SNX8: variants seen among roughly 807,000 people sequenced by gnomAD.
The protein encoded by SNX8 is sorting nexin 8.
Under a neutral mutation model 51.6 loss-of-function variants are expected in SNX8, and 25 were observed. That is an observed-to-expected ratio of 0.48 (90% CI 0.35 to 0.68). The LOEUF is 0.68. SNX8 is among the 30% of genes least tolerant of loss of function. SNX8 has a pLI of 0.00. For missense variants in SNX8, 695 were observed against 624.0 expected, an observed-to-expected ratio of 1.11 and a Z score of -1.21; for synonymous variants, 324 against 277.0, an observed-to-expected ratio of 1.17 and a Z score of -1.68.
intron 1 of SNX8, among the ~76,000 whole-genome samples, chr7:2,291,611 A>G (rs1448578136): frequency 2.1e-5 from 3 of 144,300 alleles, no homozygotes; most frequent in Admixed American, 1.4e-4. Flanking sequence ...AAGAAAAAAG[A>G]AAAAAAAAAA....
chr7:2,309,998 C>T, intron 1 of SNX8: 1 of 403,518 alleles, frequency 2.5e-6, no homozygotes, highest in African/African-American at 2.1e-5. Context: ...AGCTTCCGAA[C>T]CGAATGGAAT....
At chr7:2,267,462 GC>G (rs1795496206) in intron 5 of SNX8, among the ~76,000 whole-genome samples, 1 of 133,266 alleles carries the variant, frequency 7.5e-6, no homozygotes, top group African/African-American at 2.6e-5. Context: ...GCCTGCGATT[GC>G]AGGCACGCGC....
chr7:2,315,089 C>CTG (rs917546861), upstream of SNX8, among the ~76,000 whole-genome samples: 2 of 151,688 alleles, frequency 1.3e-5, no homozygotes, highest in Non-Finnish European at 2.9e-5. Context: ...CTGCATCCTA[C>CTG]ATTCATTCAT....
intron 7 of SNX8, 70 bp from the exon 8 acceptor site, chr7:2,257,873 C>G (rs1229672691): frequency 6.9e-7 from 1 of 1,440,760 alleles, no homozygotes; most frequent in Non-Finnish European, 9.8e-7. Flanking sequence ...GAACTCAGAC[C>G]CAAGCCTGGC....
chr7:2,327,811 G>T (rs1232328842), intron 1 of SNX8, among the ~76,000 whole-genome samples: 4 of 152,158 alleles, frequency 2.6e-5, no homozygotes, highest in Non-Finnish European at 5.9e-5. Context: ...CAAAGTGCTG[G>T]GATTGACAGG....
chr7:2,284,633 T>A (rs1346723883), intron 1 of SNX8, among the ~76,000 whole-genome samples: 1 of 151,154 alleles, frequency 6.6e-6, no homozygotes, highest in Non-Finnish European at 1.5e-5. Flanking sequence ...CTCGATCTCC[T>A]GACCTTGTGA....
chr7:2,336,404 A>G (rs1778829849), intron 1 of SNX8, among the ~76,000 whole-genome samples: 1 of 151,108 alleles, frequency 6.6e-6, no homozygotes, highest in South Asian at 2.1e-4. Context: ...CAAAAATAAC[A>G]ATAATAACAA....
intron 1 of SNX8, among the ~76,000 whole-genome samples, chr7:2,278,509 C>A (rs1291377334): frequency 6.6e-6 from 1 of 152,204 alleles, no homozygotes; most frequent in Non-Finnish European, 1.5e-5. Flanking sequence ...AAAAGTGCAG[C>A]CTCCCTCTGC....
intron 1 of SNX8, among the ~76,000 whole-genome samples, chr7:2,279,346 C>T (rs1272724523): frequency 2.6e-5 from 4 of 152,060 alleles, no homozygotes; most frequent in Admixed American, 6.6e-5. Context: ...ACTCACACTA[C>T]GGAGTCGACG....
At chr7:2,338,938 A>G (rs1022157604) in intron 1 of SNX8, among the ~76,000 whole-genome samples, 2 of 152,100 alleles carry the variant, frequency 1.3e-5, no homozygotes, top group East Asian at 1.9e-4. Context: ...CCGAGACAAG[A>G]TCTGTCCTGT....
chr7:2,306,707 C>T (rs1269676672), intron 1 of SNX8, among the ~76,000 whole-genome samples: 1 of 152,042 alleles, frequency 6.6e-6, no homozygotes, highest in Admixed American at 6.6e-5. Context: ...TAAAATGCAA[C>T]GGCTGTTAAA....
At chr7:2,262,575 A>G (rs1795363620) in intron 7 of SNX8, among the ~76,000 whole-genome samples, 1 of 152,142 alleles carries the variant, frequency 6.6e-6, no homozygotes, top group South Asian at 2.1e-4. Flanking sequence ...GCCAAATCCT[A>G]GTGGACTCAG....
chr7:2,322,809 G>C (rs2115226414), intron 1 of SNX8, among the ~76,000 whole-genome samples: 1 of 151,976 alleles, frequency 6.6e-6, no homozygotes. Flanking sequence ...CTGTGGCCAG[G>C]AGTTCAAGAC....
In SNX8 at chr7:2,257,117, C is replaced by A. The variant is rs545050611; in HGVS notation, c.1135-94G>T. 5.7e-6 allele frequency: 8 copies of A among 1,401,896 alleles called. No individual in the cohort carries two copies. The African/African-American group carries it at 8.6e-5, about 15-fold the overall frequency. 86.8% of individuals were successfully genotyped at this position (1,401,896 alleles called of 1,614,324 possible). On this transcript the variant is annotated intron_variant, in intron 9 of 10. Transcript: ENST00000222990. ...AGCGTGCTCCCTGAGCCAGGGCGGC[C>A]CCTTCTCCTTCAGCCTTCACCAGGC...
intron 1 of SNX8, among the ~76,000 whole-genome samples, chr7:2,320,682 C>G (rs573744240): frequency 6.6e-6 from 1 of 152,210 alleles, no homozygotes; most frequent in African/African-American, 2.4e-5. Flanking sequence ...CATGATTGCC[C>G]TGCTCCACTC....
At position 2,257,316 on chromosome 7, in the gene SNX8, C is replaced by T. The variant is rs1053267015; in HGVS notation, c.1134+49G>A. On this transcript the variant is annotated intron_variant, in intron 9 of 10. Coordinates refer to ENST00000222990, the MANE Select transcript of SNX8 (RefSeq NM_013321.4). ...GGACGGCTCCGGGTCCCACCATGGC[C>T]GGGAGGGGAAAGGCTCCCACGGGCC... 1.5e-5 allele frequency: 23 copies of T among 1,574,140 alleles called. 1 individual carries two copies. The East Asian group carries it at 2.9e-4, about 20-fold the overall frequency.
At chr7:2,339,316 C>T (rs185528754) in intron 1 of SNX8, among the ~76,000 whole-genome samples, 84 of 152,222 alleles carry the variant, frequency 5.5e-4, no homozygotes, top group African/African-American at 1.4e-3. Context: ...GGCAATTCTC[C>T]TGCCTCAGCC....
At chr7:2,310,972 A>G (rs757522695) in intron 1 of SNX8, among the ~76,000 whole-genome samples, 3 of 152,200 alleles carry the variant, frequency 2.0e-5, no homozygotes, top group African/African-American at 4.8e-5. Flanking sequence ...GATGATGGCA[A>G]TTAGGATGGG....
intron 1 of SNX8, among the ~76,000 whole-genome samples, chr7:2,311,640 G>A (rs925445738): frequency 2.6e-5 from 4 of 151,850 alleles, no homozygotes; most frequent in Non-Finnish European, 5.9e-5. Flanking sequence ...TTTTCTCAAT[G>A]TAAAAAGACC....
Sources: gnomAD v4.1 joint callset for allele counts (sites outside exome capture counted in the v4.1 genomes callset) on GRCh38, gnomAD v4.1.1 for gene constraint, MANE v1.5 for transcripts, NCBI Gene and HGNC (gene_info 2026-07-23, HGNC 2026-07-21) for gene names.